The following PTPRE variants were observed in gnomAD, a reference collection of about 807,000 sequenced individuals.
PTPRE encodes the protein receptor-type tyrosine-protein phosphatase epsilon.
A neutral mutation model predicts 102.0 loss-of-function variants in PTPRE; 51 were observed. That is an observed-to-expected ratio of 0.50 (90% CI 0.40 to 0.63). The LOEUF (loss-of-function observed/expected upper bound fraction) is 0.63. Ranked by LOEUF, PTPRE falls within the 30% of genes least tolerant of loss-of-function variation. PTPRE has a pLI of 0.00. For missense variants in PTPRE, 752 were observed against 915.1 expected, an observed-to-expected ratio of 0.82 and a Z score of 2.30; for synonymous variants, 345 against 348.2, an observed-to-expected ratio of 0.99 and a Z score of 0.10.
rs1850437916 is a variant in PTPRE at position 128,068,117 on chromosome 10, C to G, written c.844-6C>G. The G allele has an allele frequency of 6.2e-7, 1 of 1,610,972 alleles. No individual in the cohort carries two copies. The highest frequency in any genetic ancestry group is 8.5e-7 in the Non-Finnish European group (1 of 1,178,290). On this transcript the variant is annotated splice_polypyrimidine_tract_variant and splice_region_variant and intron_variant, in intron 11 of 20. Transcript: ENST00000254667. Reference sequence around the variant, plus strand: ...ACCCACTCTTGTCTCCCCGCGTCCCCCGCAGCAGCTCCCCGACGGCTGCAA... The same window carrying G: ...ACCCACTCTTGTCTCCCCGCGTCCCGCGCAGCAGCTCCCCGACGGCTGCAA...
Position 128,070,393 on chromosome 10 carries a change from G to A in PTPRE, c.1236G>A (p.Gln412=), listed in dbSNP as rs774146546. The part of the protein sequence containing the change: ...LDVSSLEKHL[Q]TMHGTTTHFD... ...TGTCCTCCCTGGAGAAGCACCTGCAGACCATGCACGGCACCACCACCCACT... is the reference window on the plus strand; with the variant it reads ...TGTCCTCCCTGGAGAAGCACCTGCAAACCATGCACGGCACCACCACCCACT... Residue 412 remains glutamine, a synonymous_variant, in exon 14 of 21, where the codon CAG becomes CAA. Transcript: ENST00000254667. This position sits in a 1 kb window ranked among gnomAD's most constrained non-coding sequence, Gnocchi z 4.8. 1.4e-5 allele frequency: 23 copies of A among 1,614,092 alleles called. No individual in the cohort carries two copies. In the Admixed American group the frequency reaches 3.3e-4, roughly 23 times the overall value.
intron 1 of PTPRE, among the ~76,000 whole-genome samples, chr10:127,921,565 C>A (rs1846607155): frequency 6.6e-6 from 1 of 152,136 alleles, no homozygotes; most frequent in South Asian, 2.1e-4. Flanking sequence ...GGAGGTGATG[C>A]CAGGGATGTG....
intron 11 of PTPRE, 138 bp downstream of exon 11, chr10:128,066,332 T>C: frequency 7.2e-7 from 1 of 1,390,368 alleles, no homozygotes; most frequent in Admixed American, 2.1e-5. Flanking sequence ...GAGGGTGCAG[T>C]GGCCAGGCTG....
chr10:127,942,354 T>C (rs947714034), intron 1 of PTPRE, among the ~76,000 whole-genome samples: 2 of 152,224 alleles, frequency 1.3e-5, no homozygotes, highest in African/African-American at 4.8e-5. Context: ...TTTTAAAGTA[T>C]GTTTTTCTTT....
intron 1 of PTPRE, among the ~76,000 whole-genome samples, chr10:127,949,841 G>T (rs931361146): frequency 6.6e-6 from 1 of 152,124 alleles, no homozygotes; most frequent in East Asian, 1.9e-4. Context: ...ATGGGGAAAC[G>T]TGGGGAGACC....
chr10:127,963,174 G>A (rs1451069039), intron 1 of PTPRE, among the ~76,000 whole-genome samples: 1 of 152,124 alleles, frequency 6.6e-6, no homozygotes, highest in Non-Finnish European at 1.5e-5. Flanking sequence ...TCCCACCCAA[G>A]AGAGGGCTGG....
chr10:128,040,835 C>T (rs1160653126), intron 2 of PTPRE, 40 bp from the exon 3 acceptor site: 7 of 1,542,172 alleles, frequency 4.5e-6, no homozygotes, highest in African/African-American at 1.4e-5. Flanking sequence ...CCCACAGCTG[C>T]TGCTGGATGA....
intron 6 of PTPRE, among the ~76,000 whole-genome samples, chr10:128,055,699 C>T (rs1020977610): frequency 5.3e-5 from 8 of 152,184 alleles, no homozygotes; most frequent in Non-Finnish European, 1.0e-4. Flanking sequence ...CACAGCATCC[C>T]GCTGTAAACC....
intron 2 of PTPRE, among the ~76,000 whole-genome samples, chr10:128,006,227 T>A (rs1196674365): frequency 6.6e-6 from 1 of 152,218 alleles, no homozygotes; most frequent in African/African-American, 2.4e-5. Flanking sequence ...CCACTGAGTT[T>A]CCCAAAACCA....
At chr10:127,942,910 T>G (rs1478428957) in intron 1 of PTPRE, among the ~76,000 whole-genome samples, 1 of 152,182 alleles carries the variant, frequency 6.6e-6, no homozygotes, top group Non-Finnish European at 1.5e-5. Context: ...AAAAAACTCA[T>G]ACAAGAGCAG....
At chr10:127,972,253 AG>A (rs1186901515) in intron 1 of PTPRE, among the ~76,000 whole-genome samples, 1 of 152,190 alleles carries the variant, frequency 6.6e-6, no homozygotes, top group Non-Finnish European at 1.5e-5. Context: ...TTCCAGGCCC[AG>A]GCACCAAGGG....
Position 128,047,470 on chromosome 10 carries a change from C to A in PTPRE, c.190C>A (p.Leu64Ile). Residue 64 changes from leucine (L) to isoleucine (I), a missense_variant, in exon 4 of 21, where the codon CTC (leucine) becomes ATC (isoleucine). Leu to Ile is a conservative substitution (Grantham distance 5). This residue lies in a region of PTPRE where 116 missense variants were observed against 90.8 expected (regional missense o/e 1.28). Transcript: ENST00000254667. ...GCTGCTCCTCCTCCTCGTGCTCCTT[C>A]TCGCCGCCTACTTCTTCAGGTAGGA... ...PLLLLLLVLL[L>I]AAYFFRFRKQ... is the part of the protein sequence containing the mutation. 2 of 1,613,418 alleles carry A rather than the reference C, an allele frequency of 1.2e-6. No homozygotes were observed. The highest frequency in any genetic ancestry group is 1.7e-6 in the Non-Finnish European group (2 of 1,180,034).
Position 128,063,198 on chromosome 10 carries a change from G to A in PTPRE, c.723+18G>A, listed in dbSNP as rs1466020633. The A allele has an allele frequency of 6.2e-7, 1 of 1,613,508 alleles. No individual in the cohort carries two copies. The highest frequency in any genetic ancestry group is 1.7e-5 in the Admixed American group (1 of 59,920). On this transcript the variant is annotated intron_variant, in intron 10 of 20. Coordinates refer to ENST00000254667, the MANE Select transcript of PTPRE (RefSeq NM_006504.6). The stretch of plus-strand genomic sequence containing the variant: ...GGAAAGAGGTGAGTTCCAGGCATCT[G>A]GCCCCGGTATCACTTCCTTTCAGCT...
chr10:127,955,492 TC>T (rs1475956817), intron 1 of PTPRE, among the ~76,000 whole-genome samples: 1 of 152,218 alleles, frequency 6.6e-6, no homozygotes, highest in East Asian at 1.9e-4. Flanking sequence ...TAAGAATATG[TC>T]CATGTGTATA....
At chr10:127,939,946 G>A (rs1848112399) in intron 1 of PTPRE, among the ~76,000 whole-genome samples, 1 of 151,516 alleles carries the variant, frequency 6.6e-6, no homozygotes, top group Non-Finnish European at 1.5e-5. Context: ...ACAGGAGGAG[G>A]CAGGTGAGGG....
intron 2 of PTPRE, among the ~76,000 whole-genome samples, chr10:127,996,757 G>A (rs758081283): frequency 1.3e-5 from 2 of 152,206 alleles, no homozygotes; most frequent in Non-Finnish European, 2.9e-5. Flanking sequence ...CAGAAGCAGG[G>A]CCATCATGTC....
intron 1 of PTPRE, among the ~76,000 whole-genome samples, chr10:127,920,384 C>G (rs1309799574): frequency 1.3e-5 from 2 of 152,198 alleles, no homozygotes; most frequent in African/African-American, 2.4e-5. Flanking sequence ...TGACCCCAGC[C>G]AGGGTACCAG....
intron 2 of PTPRE, among the ~76,000 whole-genome samples, chr10:127,996,725 G>A (rs900167065): frequency 3.3e-5 from 5 of 152,158 alleles, no homozygotes; most frequent in African/African-American, 1.2e-4. Flanking sequence ...CTGGATCCAG[G>A]CACACGCAGG....
chr10:127,915,882 A>T (rs992007838), intron 1 of PTPRE, among the ~76,000 whole-genome samples: 3 of 151,964 alleles, frequency 2.0e-5, no homozygotes, highest in Admixed American at 2.0e-4. Flanking sequence ...CATTGGGTAC[A>T]TTTTAAACTT....
Sources: gnomAD v4.1 joint callset for allele counts (sites outside exome capture counted in the v4.1 genomes callset) on GRCh38, gnomAD v4.1.1 for gene constraint, gnomAD v4.1.1 regional missense constraint, Gnocchi (gnomAD v3.1) non-coding constraint, MANE v1.5 for transcripts, NCBI Gene and HGNC (gene_info 2026-07-23, HGNC 2026-07-21) for gene names.